The following VSNL1 variants were observed in gnomAD, a reference collection of about 807,000 sequenced individuals.
VSNL1 encodes the protein visinin-like protein 1.
A neutral mutation model predicts 20.4 loss-of-function variants in VSNL1; 6 were observed. The observed-to-expected ratio is 0.29, with a 90% CI of 0.16 to 0.58. The LOEUF (loss-of-function observed/expected upper bound fraction) is 0.58. VSNL1 is among the 20% of genes least tolerant of loss of function. The pLI, the probability that VSNL1 is intolerant of heterozygous loss-of-function variation, is 0.90. For missense variants in VSNL1, 100 were observed against 234.5 expected, an observed-to-expected ratio of 0.43 and a Z score of 3.75; for synonymous variants, 93 against 86.4, an observed-to-expected ratio of 1.08 and a Z score of -0.42.
At chr2:17,652,768 G>A (rs1401739980) in intron 3 of VSNL1, among the ~76,000 whole-genome samples, 2 of 152,166 alleles carry the variant, frequency 1.3e-5, no homozygotes, top group Non-Finnish European at 2.9e-5. Context: ...GATAAACATT[G>A]AGGAGTCCTC....
chr2:17,556,358 T>C (rs1663677517), intron 1 of VSNL1, among the ~76,000 whole-genome samples: 1 of 152,210 alleles, frequency 6.6e-6, no homozygotes, highest in South Asian at 2.1e-4. Flanking sequence ...TTATTAAATA[T>C]GCCAGTTCAT....
intron 2 of VSNL1, among the ~76,000 whole-genome samples, chr2:17,607,381 A>C (rs1206200927): frequency 6.6e-6 from 1 of 152,262 alleles, no homozygotes; most frequent in Non-Finnish European, 1.5e-5. Context: ...CTGGAGATAC[A>C]AAAATGAATA....
intron 1 of VSNL1, among the ~76,000 whole-genome samples, chr2:17,544,357 C>T (rs940911948): frequency 2.0e-5 from 3 of 152,204 alleles, no homozygotes; most frequent in South Asian, 2.1e-4. Context: ...ATTCATATAC[C>T]CTTGCAGAAT....
chr2:17,652,835 C>G (rs906444510), intron 3 of VSNL1, among the ~76,000 whole-genome samples: 2 of 152,096 alleles, frequency 1.3e-5, no homozygotes, highest in African/African-American at 4.8e-5. Context: ...TCCTCTGCCC[C>G]GAAATTTCTG....
At chr2:17,547,455 C>T (rs979099201) in intron 1 of VSNL1, among the ~76,000 whole-genome samples, 2 of 152,054 alleles carry the variant, frequency 1.3e-5, no homozygotes, top group Non-Finnish European at 2.9e-5. Context: ...GAACAGTTTA[C>T]GGTGCTTACC....
At chr2:17,629,471 A>G (rs945398936) in intron 2 of VSNL1, among the ~76,000 whole-genome samples, 2 of 152,234 alleles carry the variant, frequency 1.3e-5, no homozygotes, top group African/African-American at 4.8e-5. Context: ...CAATTTCTCC[A>G]GAGAAAGACA....
At chr2:17,627,532 G>A (rs1665540672) in intron 2 of VSNL1, among the ~76,000 whole-genome samples, 2 of 152,262 alleles carry the variant, frequency 1.3e-5, no homozygotes, top group Admixed American at 6.5e-5. Context: ...GGATAATTTG[G>A]TGGGTAGGGG....
At chr2:17,587,133 A>G (rs890849021) in intron 1 of VSNL1, among the ~76,000 whole-genome samples, 2 of 151,984 alleles carry the variant, frequency 1.3e-5, no homozygotes, top group Non-Finnish European at 2.9e-5. Context: ...TGCTGTGTTT[A>G]TCCTGCTATG....
At chr2:17,638,873 A>AG (rs1665819049) in intron 2 of VSNL1, among the ~76,000 whole-genome samples, 1 of 152,226 alleles carries the variant, frequency 6.6e-6, no homozygotes, top group Non-Finnish European at 1.5e-5. Context: ...GCCCCTTCCC[A>AG]GGGGAGTATT....
intron 2 of VSNL1, among the ~76,000 whole-genome samples, chr2:17,628,875 T>A (rs1009606449): frequency 6.6e-6 from 1 of 152,238 alleles, no homozygotes; most frequent in Admixed American, 6.5e-5. Context: ...AGCACAGCTC[T>A]TCTCTGAGGT....
chr2:17,655,169 T>C lies in VSNL1; in HGVS notation c.379-28T>C, dbSNP rs1666201672. The C allele has an allele frequency of 1.2e-6, 2 of 1,609,590 alleles. No homozygotes were observed. Among genetic ancestry groups the C allele is most frequent in the African/African-American group, 2.7e-5 (2 of 74,222 alleles). ...CTCTGTCCTCCTGGGTTTCTGGTAA[T>C]ATCACCTACAATGCTTTTTTCCCCA... On this transcript the variant is annotated intron_variant, in intron 3 of 3. Transcript: ENST00000295156. The surrounding 1 kb of genome is among the most constrained non-coding windows in gnomAD (Gnocchi z 5.2).
chr2:17,618,441 T>C (rs1461651947), intron 2 of VSNL1, among the ~76,000 whole-genome samples: 1 of 152,236 alleles, frequency 6.6e-6, no homozygotes, highest in Non-Finnish European at 1.5e-5. Context: ...TCTCTGACTC[T>C]TGTAAGGACT....
At chr2:17,610,355 G>A (rs919361422) in intron 2 of VSNL1, among the ~76,000 whole-genome samples, 1 of 152,166 alleles carries the variant, frequency 6.6e-6, no homozygotes, top group Non-Finnish European at 1.5e-5. Flanking sequence ...TAATAATACA[G>A]TGAGACAAAT....
In VSNL1 at chr2:17,649,084, T is replaced by G. The variant is rs538716495; in HGVS notation, c.163-326T>G. Among the ~76,000 whole-genome samples, 1 of 152,142 alleles carries G rather than the reference T, an allele frequency of 6.6e-6. No homozygotes were observed. Among genetic ancestry groups the G allele is most frequent in the Non-Finnish European group, 1.5e-5 (1 of 68,010 alleles). On this transcript the variant is annotated intron_variant, in intron 2 of 3. Coordinates refer to ENST00000295156, the MANE Select transcript of VSNL1 (RefSeq NM_003385.5). The surrounding 1 kb of genome is among the most constrained non-coding windows in gnomAD (Gnocchi z 6.4). The stretch of plus-strand genomic sequence containing the variant: ...GGAGAGAAACTGCTGTCTGCCTCAG[T>G]CCTGTTCCTGGGGGGAGTGAGCTGA...
At chr2:17,574,919 A>G (rs1408666229) in intron 1 of VSNL1, among the ~76,000 whole-genome samples, 1 of 152,002 alleles carries the variant, frequency 6.6e-6, no homozygotes, top group Non-Finnish European at 1.5e-5. Context: ...GGCACACACC[A>G]CCATGCCCAG....
intron 1 of VSNL1, among the ~76,000 whole-genome samples, chr2:17,553,244 A>G (rs1331556369): frequency 6.6e-6 from 1 of 152,234 alleles, no homozygotes; most frequent in Non-Finnish European, 1.5e-5. Context: ...GTGCCAAAGT[A>G]GCTAATGTCT....
At chr2:17,567,274 G>T (rs1663970129) in intron 1 of VSNL1, 1 of 148,976 alleles carries the variant, frequency 6.7e-6, no homozygotes, top group African/African-American at 2.5e-5. Context: ...ATAAAATTTT[G>T]CCACAGTTTT....
chr2:17,609,250 T>A (rs942276798), intron 2 of VSNL1, among the ~76,000 whole-genome samples: 1 of 152,100 alleles, frequency 6.6e-6, no homozygotes, highest in Non-Finnish European at 1.5e-5. Context: ...CATAAGCTGG[T>A]AGGAAGGAGA....
intron 1 of VSNL1, among the ~76,000 whole-genome samples, chr2:17,553,153 G>T (rs761345244): frequency 1.3e-5 from 2 of 152,122 alleles, no homozygotes; most frequent in African/African-American, 2.4e-5. Context: ...CTTATTAAGA[G>T]GAAACTTCTT....
Sources: allele counts gnomAD v4.1 joint callset (sites outside exome capture counted in the v4.1 genomes callset), GRCh38; gene constraint gnomAD v4.1.1; non-coding constraint Gnocchi (gnomAD v3.1); transcripts MANE v1.5; gene names NCBI Gene and HGNC (gene_info 2026-07-23, HGNC 2026-07-21).